The following SLC25A21 variants were observed in gnomAD, a reference collection of about 807,000 sequenced individuals.
SLC25A21 encodes solute carrier family 25 member 21, also known as mitochondrial 2-oxodicarboxylate carrier.
A neutral mutation model predicts 43.8 loss-of-function variants in SLC25A21; 47 were observed. That is an observed-to-expected ratio of 1.07 (90% CI 0.85 to 1.37). The LOEUF (loss-of-function observed/expected upper bound fraction) is 1.37. SLC25A21 is among the 40% of genes most tolerant of loss of function. SLC25A21 has a pLI of 0.00. For synonymous variants in SLC25A21, 131 were observed against 121.3 expected (o/e 1.08, Z -0.52); for missense variants, 352 against 350.2 (o/e 1.00, Z -0.04).
intron 1 of SLC25A21, among the ~76,000 whole-genome samples, chr14:36,952,949 C>CA (rs2138664046): frequency 6.6e-6 from 1 of 152,314 alleles, no homozygotes; most frequent in South Asian, 2.1e-4. Flanking sequence ...CATCTATCAT[C>CA]AAGCTGTGGC....
At chr14:36,779,025 G>C (rs1404132653) in intron 3 of SLC25A21, among the ~76,000 whole-genome samples, 5 of 151,722 alleles carry the variant, frequency 3.3e-5, no homozygotes, top group Non-Finnish European at 5.9e-5. Flanking sequence ...GTTTTTATGA[G>C]TTCAACTTTT....
At chr14:36,682,758 GA>G (rs1226131369) in intron 9 of SLC25A21, among the ~76,000 whole-genome samples, 1 of 152,136 alleles carries the variant, frequency 6.6e-6, no homozygotes, top group African/African-American at 2.4e-5. Context: ...AGGTAGGTCT[GA>G]ATCCCAAATA....
At chr14:36,772,743 A>G (rs1886668709) in intron 3 of SLC25A21, among the ~76,000 whole-genome samples, 2 of 152,186 alleles carry the variant, frequency 1.3e-5, no homozygotes, top group South Asian at 4.1e-4. Flanking sequence ...TTCAAAACCT[A>G]GAGTGTTAAA....
intron 3 of SLC25A21, among the ~76,000 whole-genome samples, chr14:36,743,192 G>A (rs1885345492): frequency 6.6e-6 from 1 of 152,098 alleles, no homozygotes; most frequent in Non-Finnish European, 1.5e-5. Flanking sequence ...AAGAAAAAGT[G>A]AAAAAGATAC....
chr14:36,765,003 G>T (rs2139287784), intron 3 of SLC25A21, among the ~76,000 whole-genome samples: 1 of 152,284 alleles, frequency 6.6e-6, no homozygotes, highest in African/African-American at 2.4e-5. Context: ...AGGCCAGGAG[G>T]GCCTATGTCC....
chr14:36,855,606 G>C (rs1440782214), intron 2 of SLC25A21, among the ~76,000 whole-genome samples: 4 of 152,084 alleles, frequency 2.6e-5, no homozygotes, highest in African/African-American at 9.7e-5. Context: ...TCTCCACCCT[G>C]AACTAACAGT....
At chr14:36,716,615 T>G (rs1884147165) in intron 6 of SLC25A21, among the ~76,000 whole-genome samples, 1 of 152,202 alleles carries the variant, frequency 6.6e-6, no homozygotes, top group South Asian at 2.1e-4. Flanking sequence ...GGCACCACTC[T>G]GGGGCACTGA....
chr14:36,776,997 C>T (rs1220920400), intron 3 of SLC25A21, among the ~76,000 whole-genome samples: 1 of 152,146 alleles, frequency 6.6e-6, no homozygotes, highest in Non-Finnish European at 1.5e-5. Context: ...CAGTGGCTCA[C>T]GCCTGTAATC....
At chr14:36,687,357 T>C (rs1882601559) in intron 7 of SLC25A21, among the ~76,000 whole-genome samples, 1 of 151,828 alleles carries the variant, frequency 6.6e-6, no homozygotes, top group Admixed American at 6.6e-5. Context: ...AAAATACAGA[T>C]GCCTGGGTCC....
At chr14:36,947,312 C>T (rs931746922) in intron 1 of SLC25A21, among the ~76,000 whole-genome samples, 4 of 152,144 alleles carry the variant, frequency 2.6e-5, no homozygotes, top group African/African-American at 9.7e-5. Context: ...TGAAAGAAAA[C>T]CAGAGAAGGT....
intron 2 of SLC25A21, among the ~76,000 whole-genome samples, chr14:36,838,912 T>C (rs771910829): frequency 1.3e-5 from 2 of 152,206 alleles, no homozygotes; most frequent in Non-Finnish European, 2.9e-5. Flanking sequence ...AAATTTCAAG[T>C]TGTTACAAGG....
chr14:36,848,596 C>T (rs533381036), intron 2 of SLC25A21, among the ~76,000 whole-genome samples: 13 of 152,202 alleles, frequency 8.5e-5, no homozygotes, highest in African/African-American at 2.4e-4. Context: ...CATCTACTCT[C>T]GGTAGAAATG....
intron 1 of SLC25A21, among the ~76,000 whole-genome samples, chr14:37,041,889 A>G (rs1961479634): frequency 6.6e-6 from 1 of 152,186 alleles, no homozygotes; most frequent in Non-Finnish European, 1.5e-5. Context: ...ATTAAATCTA[A>G]AGATTGTAAA....
At chr14:36,814,151 A>G (rs1286088381) in intron 2 of SLC25A21, 150 bp from the exon 3 acceptor site, 1 of 546,052 alleles carries the variant, frequency 1.8e-6, no homozygotes, top group Admixed American at 3.7e-5. Flanking sequence ...GCCTTATATA[A>G]TCTTTACCTT....
At chr14:37,017,817 G>T (rs982678789) in intron 1 of SLC25A21, among the ~76,000 whole-genome samples, 1 of 151,872 alleles carries the variant, frequency 6.6e-6, no homozygotes, top group Non-Finnish European at 1.5e-5. Context: ...TCAAGGAAAG[G>T]GAAGGTAAAA....
rs186116999 is a variant in SLC25A21 at position 37,109,331 on chromosome 14, C to T, written c.70+62950G>A. 9.7e-3 allele frequency among the ~76,000 whole-genome samples: 1,462 copies of T among 150,458 alleles called. 11 individuals carry two copies. Among genetic ancestry groups the T allele is most frequent in the Non-Finnish European group, 0.014 (942 of 67,796 alleles). ...ACCCTGCTTCATTTAAGCAATGAAT[C>T]TCGGGCCAAATAGAGAAAAAGAAAG... On this transcript the variant is annotated intron_variant, in intron 1 of 9. Coordinates refer to ENST00000331299, the MANE Select transcript of SLC25A21 (RefSeq NM_030631.4).
intron 1 of SLC25A21, among the ~76,000 whole-genome samples, chr14:36,974,773 T>C (rs1959831766): frequency 6.6e-6 from 1 of 152,148 alleles, no homozygotes; most frequent in Non-Finnish European, 1.5e-5. Context: ...GAACACTGAG[T>C]ATAGTTTTCT....
intron 1 of SLC25A21, among the ~76,000 whole-genome samples, chr14:36,938,710 A>T (rs1397146645): frequency 6.6e-6 from 1 of 152,120 alleles, no homozygotes; most frequent in Non-Finnish European, 1.5e-5. Context: ...AACCACAAAG[A>T]ATTTTGGTTC....
chr14:37,131,804 G>T lies in SLC25A21; in HGVS notation c.70+40477C>A, dbSNP rs188824952. Among the ~76,000 whole-genome samples the T allele has an allele frequency of 1.8e-3, 276 of 152,212 alleles. 1 individual carries two copies. The highest frequency in any genetic ancestry group is 6.6e-3 in the African/African-American group (273 of 41,522). On this transcript the variant is annotated intron_variant, in intron 1 of 9. Coordinates refer to ENST00000331299, the MANE Select transcript of SLC25A21 (RefSeq NM_030631.4). Reference sequence around the variant, plus strand: ...TCCTCCTGTCTCAGACTCCTGAGTAGCTGGGACCACTGGTGCATGCCACCA... The same window carrying T: ...TCCTCCTGTCTCAGACTCCTGAGTATCTGGGACCACTGGTGCATGCCACCA...
Sources: gnomAD v4.1 joint callset for allele counts (sites outside exome capture counted in the v4.1 genomes callset) on GRCh38, gnomAD v4.1.1 for gene constraint, MANE v1.5 for transcripts, NCBI Gene and HGNC (gene_info 2026-07-23, HGNC 2026-07-21) for gene names.